The following GRM7 variants were observed in gnomAD, a reference collection of about 807,000 sequenced individuals.
GRM7 encodes glutamate metabotropic receptor 7.
In GRM7, 35 loss-of-function variants were observed where a neutral mutation model predicts 84.5. That is an observed-to-expected ratio of 0.41 (90% CI 0.32 to 0.55). GRM7 has a LOEUF of 0.55. GRM7 is among the 20% of genes least tolerant of loss of function. The probability of loss-of-function intolerance (pLI) is 0.19; values close to 1 mark genes in which losing one functional copy is unlikely to be tolerated. For synonymous variants in GRM7, 487 were observed against 455.1 expected (o/e 1.07, Z -0.89); for missense variants, 1,003 against 1,194.6 (o/e 0.84, Z 2.36).
At chr3:6,873,290 C>T (rs1015890175) in intron 1 of GRM7, among the ~76,000 whole-genome samples, 5 of 152,258 alleles carry the variant, frequency 3.3e-5, no homozygotes, top group South Asian at 4.2e-4. Flanking sequence ...CCAGGCTGGT[C>T]CCGAACTCCT....
chr3:7,507,898 A>G (rs535889182), intron 7 of GRM7, among the ~76,000 whole-genome samples: 1 of 152,148 alleles, frequency 6.6e-6, no homozygotes, highest in Non-Finnish European at 1.5e-5. Flanking sequence ...TGCTTGTTCA[A>G]CACTTATTTC....
chr3:7,044,294 A>G (rs1029758830), intron 1 of GRM7, among the ~76,000 whole-genome samples: 1 of 152,174 alleles, frequency 6.6e-6, no homozygotes, highest in Non-Finnish European at 1.5e-5. Flanking sequence ...CGGATACCTT[A>G]AGTCTATACC....
intron 2 of GRM7, among the ~76,000 whole-genome samples, chr3:7,185,904 C>A (rs1559491307): frequency 6.6e-6 from 1 of 152,168 alleles, no homozygotes; most frequent in Non-Finnish European, 1.5e-5. Context: ...ATACTTTACC[C>A]AGAAATTGAG....
At chr3:6,961,950 C>T (rs1377456732) in intron 1 of GRM7, among the ~76,000 whole-genome samples, 3 of 152,292 alleles carry the variant, frequency 2.0e-5, no homozygotes. Flanking sequence ...TTCCTACAGC[C>T]AGGGTTCCAT....
intron 8 of GRM7, among the ~76,000 whole-genome samples, chr3:7,667,857 T>C (rs1015088881): frequency 8.7e-6 from 1 of 114,474 alleles, no homozygotes; most frequent in Non-Finnish European, 1.7e-5. Context: ...AGCAGATTTA[T>C]GTCAAAAAAA....
chr3:7,409,403 C>T (rs902445024), intron 4 of GRM7, among the ~76,000 whole-genome samples: 1 of 151,064 alleles, frequency 6.6e-6, no homozygotes, highest in Non-Finnish European at 1.5e-5. Context: ...AAAGATATCA[C>T]TTGTTCTTGG....
intron 9 of GRM7, among the ~76,000 whole-genome samples, chr3:7,693,097 G>C (rs1700870828): frequency 6.6e-6 from 1 of 151,698 alleles, no homozygotes; most frequent in Non-Finnish European, 1.5e-5. Flanking sequence ...AAAGAACATG[G>C]TCTGCTAGAA....
chr3:6,981,256 T>C (rs1285793362), intron 1 of GRM7, among the ~76,000 whole-genome samples: 3 of 152,230 alleles, frequency 2.0e-5, no homozygotes, highest in Non-Finnish European at 4.4e-5. Context: ...ATATCTTGGC[T>C]TTAAGAACTC....
At chr3:6,986,943 TGAAG>T (rs1385985202) in intron 1 of GRM7, among the ~76,000 whole-genome samples, 4 of 152,220 alleles carry the variant, frequency 2.6e-5, no homozygotes, top group South Asian at 2.1e-4. Flanking sequence ...AAGGAATGAA[TGAAG>T]GAAGGAAGGA....
intron 8 of GRM7, among the ~76,000 whole-genome samples, chr3:7,587,591 T>G (rs924997727): frequency 5.3e-5 from 8 of 152,214 alleles, no homozygotes; most frequent in African/African-American, 1.7e-4. Flanking sequence ...CTTTGTTTTT[T>G]AAACAAGGAG....
chr3:7,323,156 A>G lies in GRM7; in HGVS notation c.1033+16504A>G, dbSNP rs916161941. On this transcript the variant is annotated intron_variant, in intron 4 of 9. Coordinates refer to ENST00000357716, the MANE Select transcript of GRM7 (RefSeq NM_000844.4). ...TGTATTCCAGAGTCAGTCATTCATT[A>G]GCCACAGGCTGTCTCTAGGAATGAG... Among the ~76,000 whole-genome samples, 3 of 152,154 alleles carry G rather than the reference A, an allele frequency of 2.0e-5. No homozygotes were observed. The East Asian group carries it at 5.8e-4, about 29-fold the overall frequency.
chr3:7,305,612 C>G (rs1700166706), intron 3 of GRM7, among the ~76,000 whole-genome samples: 7 of 44,742 alleles, frequency 1.6e-4, no homozygotes, highest in Non-Finnish European at 1.8e-4. Flanking sequence ...GTTTTTTGTT[C>G]TTGCGATAGT....
At chr3:6,969,215 G>A (rs1693644169) in intron 1 of GRM7, among the ~76,000 whole-genome samples, 1 of 152,004 alleles carries the variant, frequency 6.6e-6, no homozygotes, top group Non-Finnish European at 1.5e-5. Context: ...GGGCAGGTTA[G>A]GTAGTATGAC....
chr3:6,987,165 T>C (rs988821574), intron 1 of GRM7, among the ~76,000 whole-genome samples: 1 of 152,190 alleles, frequency 6.6e-6, no homozygotes, highest in African/African-American at 2.4e-5. Context: ...CCTTCTGTGG[T>C]GCTTTATTGA....
rs1158871205 is a variant in GRM7 at position 7,572,823 on chromosome 3, AATATATATATATATATATATATAT to A, written c.1516-5565_1516-5542del. Among the ~76,000 whole-genome samples, 111 of 12,476 alleles carry A rather than the reference AATATATATATATATATATATATAT, an allele frequency of 8.9e-3. 5 individuals carry two copies. The highest frequency in any genetic ancestry group is 0.035 in the South Asian group (16 of 460). The allele number at this position is 12,476 out of a possible 152,430, so 8.2% of individuals were successfully genotyped here. On this transcript the variant is annotated intron_variant, in intron 7 of 9. Coordinates refer to ENST00000357716, the MANE Select transcript of GRM7 (RefSeq NM_000844.4). ...GGCGACAGAGTGAGACTCTATCTCA[AATATATATATATATATATATATAT>A]ATATATATATATATATATATATATA...
intron 1 of GRM7, among the ~76,000 whole-genome samples, chr3:6,997,633 G>T (rs917161890): frequency 3.3e-5 from 5 of 152,130 alleles, no homozygotes; most frequent in African/African-American, 1.2e-4. Flanking sequence ...AATTCAAGAT[G>T]AGAGGTGGGT....
At chr3:7,019,385 G>A (rs190218652) in intron 1 of GRM7, among the ~76,000 whole-genome samples, 5 of 152,134 alleles carry the variant, frequency 3.3e-5, no homozygotes, top group East Asian at 1.9e-4. Context: ...TGTCGTGTCC[G>A]CTATTATAGT....
chr3:7,620,853 C>CT (rs1455436889), intron 8 of GRM7, among the ~76,000 whole-genome samples: 4 of 151,868 alleles, frequency 2.6e-5, no homozygotes, highest in Non-Finnish European at 5.9e-5. Flanking sequence ...TAGTGTACCT[C>CT]TTTTTTCCAG....
At chr3:7,040,805 A>C (rs1234236325) in intron 1 of GRM7, among the ~76,000 whole-genome samples, 3 of 151,768 alleles carry the variant, frequency 2.0e-5, no homozygotes, top group African/African-American at 7.3e-5. Flanking sequence ...AGGTCAGGCC[A>C]GGTGCAGTGG....
Sources: allele counts gnomAD v4.1 joint callset (sites outside exome capture counted in the v4.1 genomes callset), GRCh38; gene constraint gnomAD v4.1.1; transcripts MANE v1.5; gene names NCBI Gene and HGNC (gene_info 2026-07-23, HGNC 2026-07-21).